SLC4A10: variants seen among roughly 807,000 people sequenced by gnomAD.
The protein encoded by SLC4A10 is solute carrier family 4 member 10, also known as sodium-driven chloride bicarbonate exchanger.
SLC4A10 carries 42 observed loss-of-function variants against 137.7 expected under a neutral mutation model. The observed-to-expected ratio is 0.30, with a 90% CI of 0.24 to 0.39. The LOEUF (loss-of-function observed/expected upper bound fraction) is 0.39, where lower values mean the gene tolerates loss of function less well. Ranked by LOEUF, SLC4A10 falls within the 10% of genes least tolerant of loss-of-function variation. The pLI, the probability that SLC4A10 is intolerant of heterozygous loss-of-function variation, is 1.00. For missense variants in SLC4A10, 925 were observed against 1,355.0 expected (o/e 0.68, Z 4.98); for synonymous variants, 474 against 464.1 (o/e 1.02, Z -0.27).
At chr2:161,787,341 C>T (rs1042290474) in intron 2 of SLC4A10, among the ~76,000 whole-genome samples, 17 of 152,074 alleles carry the variant, frequency 1.1e-4, no homozygotes, top group Non-Finnish European at 1.5e-5. Flanking sequence ...CTCTCTAACT[C>T]TCTTTAAGAT....
At position 161,983,157 on chromosome 2, in the gene SLC4A10, T is replaced by C. The variant is rs753266827; in HGVS notation, c.*27-22T>C. On this transcript the variant is annotated intron_variant, in intron 26 of 26. Coordinates refer to ENST00000446997, the MANE Select transcript of SLC4A10 (RefSeq NM_001178015.2). Reference sequence around the variant, plus strand: ...CCATGCTGGATTGCAGTAATAAATGTGTCCTTTTTTTCCTTCTGTAGCATT... The same window carrying C: ...CCATGCTGGATTGCAGTAATAAATGCGTCCTTTTTTTCCTTCTGTAGCATT... The C allele has an allele frequency of 2.6e-5, 40 of 1,535,906 alleles. 1 individual carries two copies. In the South Asian group the frequency reaches 4.0e-4, roughly 16 times the overall value.
At chr2:161,698,702 T>C (rs374058792) in intron 1 of SLC4A10, among the ~76,000 whole-genome samples, 1 of 152,200 alleles carries the variant, frequency 6.6e-6, no homozygotes, top group African/African-American at 2.4e-5. Context: ...TGCTGGATTC[T>C]GTTTGCCAGT....
At chr2:161,864,784 T>G (rs535434089) in intron 6 of SLC4A10, among the ~76,000 whole-genome samples, 18 of 152,270 alleles carry the variant, frequency 1.2e-4, no homozygotes, top group Middle Eastern at 3.5e-3. Flanking sequence ...AAATATGTGA[T>G]ACATAAGATA....
Position 161,673,735 on chromosome 2 carries a change from G to T in SLC4A10, c.48+49169G>T, listed in dbSNP as rs182327022. Reference sequence around the variant, plus strand: ...CTGGGCACAGTGGCTTTCACTTGTAGTTCCAGCACTTTGGGAGGACAAGGC... The same window carrying T: ...CTGGGCACAGTGGCTTTCACTTGTATTTCCAGCACTTTGGGAGGACAAGGC... On this transcript the variant is annotated intron_variant, in intron 1 of 26. Coordinates refer to ENST00000446997, the MANE Select transcript of SLC4A10 (RefSeq NM_001178015.2). 2.0e-4 allele frequency among the ~76,000 whole-genome samples: 31 copies of T among 152,274 alleles called. No homozygotes were observed. In the East Asian group the frequency reaches 5.4e-3, roughly 27 times the overall value.
At chr2:161,662,019 A>G (rs1401583949) in intron 1 of SLC4A10, among the ~76,000 whole-genome samples, 1 of 152,158 alleles carries the variant, frequency 6.6e-6, no homozygotes, top group African/African-American at 2.4e-5. Context: ...ACTCATTAAT[A>G]GTTAAAATGA....
intron 1 of SLC4A10, among the ~76,000 whole-genome samples, chr2:161,715,627 T>G (rs1011499226): frequency 1.3e-5 from 2 of 152,134 alleles, no homozygotes; most frequent in African/African-American, 4.8e-5. Flanking sequence ...TTGCAGATGA[T>G]AATGGCTTCC....
intron 16 of SLC4A10, among the ~76,000 whole-genome samples, chr2:161,947,123 T>A (rs965829296): frequency 7.2e-5 from 11 of 152,190 alleles, no homozygotes; most frequent in African/African-American, 2.6e-4. Flanking sequence ...TCCTCAGACA[T>A]GGAATATTAA....
At chr2:161,785,315 T>C (rs777712058) in intron 2 of SLC4A10, among the ~76,000 whole-genome samples, 105 of 151,874 alleles carry the variant, frequency 6.9e-4, no homozygotes, top group Non-Finnish European at 9.9e-4. Context: ...TTGAAGAAGA[T>C]TTATGTCAAA....
rs147755699 is a variant in SLC4A10 at position 161,833,949 on chromosome 2, T to G, written c.278-5840T>G. 2.1e-3 allele frequency among the ~76,000 whole-genome samples: 318 copies of G among 152,360 alleles called. 1 individual carries two copies. Among genetic ancestry groups the G allele is most frequent in the African/African-American group, 7.2e-3 (300 of 41,596 alleles). On this transcript the variant is annotated intron_variant, in intron 3 of 26. Transcript: ENST00000446997. The stretch of plus-strand genomic sequence containing the variant: ...CACTGAATGTGGCTTCTGCAGAAAC[T>G]GATCATCTCCTCTCAGCCTCTATGT...
intron 3 of SLC4A10, among the ~76,000 whole-genome samples, chr2:161,810,338 C>T (rs2056418211): frequency 1.3e-5 from 2 of 151,992 alleles, no homozygotes; most frequent in South Asian, 4.1e-4. Context: ...TCCTCTCTTC[C>T]TATTTGAATG....
rs150623263 is a variant in SLC4A10 at position 161,631,398 on chromosome 2, A to T, written c.48+6832A>T. On this transcript the variant is annotated intron_variant, in intron 1 of 26. Transcript: ENST00000446997. Reference sequence around the variant, plus strand: ...TCCAAAAAATGCTTATATCAGTTACATTTATATAAATTAAGAAGAGGGCAA... The same window carrying T: ...TCCAAAAAATGCTTATATCAGTTACTTTTATATAAATTAAGAAGAGGGCAA... 6.7e-3 allele frequency among the ~76,000 whole-genome samples: 1,018 copies of T among 151,898 alleles called. 7 individuals carry two copies. Among genetic ancestry groups the T allele is most frequent in the African/African-American group, 0.023 (964 of 41,528 alleles).
In SLC4A10 at chr2:161,768,415, T is replaced by A. The variant is rs193207848; in HGVS notation, c.49-2558T>A. Among the ~76,000 whole-genome samples, 103 of 152,144 alleles carry A rather than the reference T, an allele frequency of 6.8e-4. 1 individual carries two copies. The highest frequency in any genetic ancestry group is 2.4e-3 in the African/African-American group (99 of 41,560). On this transcript the variant is annotated intron_variant, in intron 1 of 26. Transcript: ENST00000446997. The stretch of plus-strand genomic sequence containing the variant: ...TTTCCCCAGTGCACACTCATTCTGG[T>A]AAAAGATGGTAGGTCTCTTTGGGGA...
rs150538732 is a variant in SLC4A10 at position 161,656,930 on chromosome 2, G to C, written c.48+32364G>C. On this transcript the variant is annotated intron_variant, in intron 1 of 26. Coordinates refer to ENST00000446997, the MANE Select transcript of SLC4A10 (RefSeq NM_001178015.2). ...ATTATAAGCTTAAAAATGGTGTTCT[G>C]AACATGAAGTAAAAATATTATGTAG... Among the ~76,000 whole-genome samples the C allele has an allele frequency of 8.3e-3, 1,264 of 152,080 alleles. 9 individuals carry two copies. Among genetic ancestry groups the C allele is most frequent in the Non-Finnish European group, 0.013 (913 of 67,910 alleles).
intron 10 of SLC4A10, among the ~76,000 whole-genome samples, chr2:161,883,690 T>G (rs1356195373): frequency 6.6e-6 from 1 of 152,144 alleles, no homozygotes; most frequent in Non-Finnish European, 1.5e-5. Flanking sequence ...CTTCCTTGTC[T>G]CTTCCATATT....
chr2:161,713,489 C>A (rs1184041620), intron 1 of SLC4A10, among the ~76,000 whole-genome samples: 3 of 151,658 alleles, frequency 2.0e-5, no homozygotes, highest in Non-Finnish European at 4.4e-5. Context: ...TATCCACAAG[C>A]ACTCAAAAGT....
At chr2:161,896,865 T>C (rs1396755914) in intron 11 of SLC4A10, among the ~76,000 whole-genome samples, 1 of 152,092 alleles carries the variant, frequency 6.6e-6, no homozygotes, top group Non-Finnish European at 1.5e-5. Flanking sequence ...TTTTAGCCCC[T>C]ACTTAAAACA....
At chr2:161,634,470 A>G (rs2034096552) in intron 1 of SLC4A10, among the ~76,000 whole-genome samples, 1 of 151,840 alleles carries the variant, frequency 6.6e-6, no homozygotes, top group Non-Finnish European at 1.5e-5. Flanking sequence ...ATTTCTCCTC[A>G]AACTTTTGCA....
At chr2:161,767,633 C>T (rs937446717) in intron 1 of SLC4A10, among the ~76,000 whole-genome samples, 1 of 151,938 alleles carries the variant, frequency 6.6e-6, no homozygotes, top group African/African-American at 2.4e-5. Context: ...CTCTTACAAT[C>T]CTTTGCCTTG....
chr2:161,697,787 G>A (rs1305726810), intron 1 of SLC4A10, among the ~76,000 whole-genome samples: 2 of 152,084 alleles, frequency 1.3e-5, no homozygotes, highest in African/African-American at 2.4e-5. Flanking sequence ...TTGGTGATGC[G>A]GACTCTTTTT....
Sources: gnomAD v4.1 joint callset for allele counts (sites outside exome capture counted in the v4.1 genomes callset) on GRCh38, gnomAD v4.1.1 for gene constraint, MANE v1.5 for transcripts, NCBI Gene and HGNC (gene_info 2026-07-23, HGNC 2026-07-21) for gene names.